NRG1: variants seen among roughly 807,000 people sequenced by gnomAD.
The protein encoded by NRG1 is pro-neuregulin-1, membrane-bound isoform.
In NRG1, 18 loss-of-function variants were observed where a neutral mutation model predicts 63.8. That is an observed-to-expected ratio of 0.28 (90% confidence interval 0.19 to 0.42). The LOEUF (loss-of-function observed/expected upper bound fraction) is 0.42. NRG1 is among the 10% of genes least tolerant of loss of function. NRG1 has a pLI of 1.00. For synonymous variants in NRG1, 302 were observed against 301.3 expected (o/e 1.00, Z -0.02); for missense variants, 762 against 814.7 (o/e 0.94, Z 0.79).
At chr8:32,737,795 G>A (rs1825461010) in intron 6 of NRG1, among the ~76,000 whole-genome samples, 1 of 149,692 alleles carries the variant, frequency 6.7e-6, no homozygotes, top group African/African-American at 2.5e-5. Context: ...TCCTGCCTCA[G>A]CCTCCCAAGT....
rs866819417 is a variant in NRG1 at position 31,925,720 on chromosome 8, T to G, written c.37+286289T>G. ...TTTTCTTATTAATTAATCTTCTTCT[T>G]CTGTGTCAATTCTGCTATGAAGCCC... On this transcript the variant is annotated intron_variant, in intron 1 of 10. Transcript: ENST00000519301. Among the ~76,000 whole-genome samples, 1,046 of 138,644 alleles carry G rather than the reference T, an allele frequency of 7.5e-3. 7 individuals carry two copies. Among genetic ancestry groups the G allele is most frequent in the Non-Finnish European group, 0.012 (756 of 61,888 alleles). The allele number at this position is 138,644 out of a possible 152,430, so 91.0% of individuals were successfully genotyped here. A position where few individuals can be genotyped will look rare whatever the true frequency, so the allele number is the denominator to read the frequency against.
intron 10 of NRG1, 109 bp from the exon 11 acceptor site, chr8:32,760,091 G>A (rs1364436717): frequency 1.6e-6 from 2 of 1,223,164 alleles, no homozygotes; most frequent in African/African-American, 1.5e-5. Context: ...TGAGCTCCGG[G>A]TGCATCAGTA....
intron 1 of NRG1, among the ~76,000 whole-genome samples, chr8:32,459,584 G>A (rs1822055056): frequency 6.7e-6 from 1 of 150,198 alleles, no homozygotes; most frequent in Non-Finnish European, 1.5e-5. Context: ...GGGCAACATA[G>A]TGAGACCCCA....
intron 1 of NRG1, among the ~76,000 whole-genome samples, chr8:32,550,499 T>C (rs928738015): frequency 4.6e-5 from 7 of 152,308 alleles, no homozygotes; most frequent in Middle Eastern, 3.4e-3. Context: ...AAGAAGTTTC[T>C]GTGGTCCTCT....
intron 1 of NRG1, among the ~76,000 whole-genome samples, chr8:32,173,279 C>G (rs952865491): frequency 2.6e-5 from 4 of 152,044 alleles, no homozygotes; most frequent in Admixed American, 1.3e-4. Context: ...CCTTTACAGA[C>G]AAGCAAATGC....
chr8:32,269,759 A>G (rs1299990731), intron 1 of NRG1, among the ~76,000 whole-genome samples: 1 of 152,196 alleles, frequency 6.6e-6, no homozygotes, highest in Non-Finnish European at 1.5e-5. Context: ...TTTTCTCTCA[A>G]GATGTCAAAT....
chr8:31,660,299 A>T (rs550863120), intron 1 of NRG1, among the ~76,000 whole-genome samples: 1 of 151,956 alleles, frequency 6.6e-6, no homozygotes, highest in South Asian at 2.1e-4. Flanking sequence ...AGACATATTG[A>T]TGCTTGACCA....
intron 8 of NRG1, among the ~76,000 whole-genome samples, chr8:32,755,386 A>T (rs1246555986): frequency 6.6e-6 from 1 of 152,192 alleles, no homozygotes; most frequent in African/African-American, 2.4e-5. Context: ...TGCATTGAGG[A>T]AGAAAAATAA....
chr8:31,723,423 G>T (rs1319122729), intron 1 of NRG1, among the ~76,000 whole-genome samples: 1 of 152,080 alleles, frequency 6.6e-6, no homozygotes, highest in Non-Finnish European at 1.5e-5. Context: ...CTTTTCGTGT[G>T]ATTCCTCTCA....
chr8:32,295,208 A>T (rs1192285698), intron 1 of NRG1, among the ~76,000 whole-genome samples: 1 of 152,156 alleles, frequency 6.6e-6, no homozygotes, highest in East Asian at 1.9e-4. Context: ...TTTTTGTGTA[A>T]TTTCTCCAAA....
chr8:31,973,553 C>T (rs1807650962), intron 1 of NRG1, among the ~76,000 whole-genome samples: 1 of 152,162 alleles, frequency 6.6e-6, no homozygotes, highest in Admixed American at 6.5e-5. Context: ...CAAAGTCATG[C>T]AGCCAGTTGA....
At chr8:32,318,119 C>T (rs1473532834) in intron 1 of NRG1, among the ~76,000 whole-genome samples, 1 of 152,080 alleles carries the variant, frequency 6.6e-6, no homozygotes, top group Non-Finnish European at 1.5e-5. Flanking sequence ...AAGTATTTGG[C>T]AGAAGGCAAG....
chr8:32,178,589 G>A (rs1424274042), intron 1 of NRG1, among the ~76,000 whole-genome samples: 1 of 152,190 alleles, frequency 6.6e-6, no homozygotes, highest in Non-Finnish European at 1.5e-5. Flanking sequence ...CAGCCTAGGT[G>A]ATAGAGTGAG....
At chr8:32,643,517 C>G (rs1169602217) in intron 5 of NRG1, among the ~76,000 whole-genome samples, 1 of 152,174 alleles carries the variant, frequency 6.6e-6, no homozygotes, top group Non-Finnish European at 1.5e-5. Context: ...GGGGAGCCAT[C>G]TTGAACGTTT....
intron 1 of NRG1, among the ~76,000 whole-genome samples, chr8:32,353,063 C>A (rs904948333): frequency 2.0e-5 from 3 of 150,244 alleles, no homozygotes; most frequent in Non-Finnish European, 3.0e-5. Context: ...TTAAAATTTA[C>A]AAATTTCTGA....
chr8:31,813,516 C>CTTTTCTTTTCTTTTCTTTTCTTTT, intron 1 of NRG1, among the ~76,000 whole-genome samples: 2 of 101,214 alleles, frequency 2.0e-5, no homozygotes, highest in Non-Finnish European at 3.9e-5. Context: ...CTTTTCTTTT[C>CTTTTCTTTTCTTTTCTTTTCTTTT]TTTTTTTTTT....
At chr8:32,641,371 G>A (rs1024435724) in intron 5 of NRG1, among the ~76,000 whole-genome samples, 2 of 152,068 alleles carry the variant, frequency 1.3e-5, no homozygotes, top group African/African-American at 2.4e-5. Context: ...TTATTGCACT[G>A]TTGTGCAACC....
At chr8:31,739,307 G>T (rs551838705) in intron 1 of NRG1, among the ~76,000 whole-genome samples, 1 of 152,002 alleles carries the variant, frequency 6.6e-6, no homozygotes, top group African/African-American at 2.4e-5. Flanking sequence ...TCTCACACTG[G>T]GGTTGGTAAT....
At chr8:32,245,923 C>A (rs1249385099) in intron 1 of NRG1, among the ~76,000 whole-genome samples, 1 of 152,054 alleles carries the variant, frequency 6.6e-6, no homozygotes, top group Admixed American at 6.6e-5. Context: ...AAAAATATCT[C>A]AAGTTTTCTG....
Sources: allele counts gnomAD v4.1 joint callset (sites outside exome capture counted in the v4.1 genomes callset), GRCh38; gene constraint gnomAD v4.1.1; transcripts MANE v1.5; gene names NCBI Gene and HGNC (gene_info 2026-07-23, HGNC 2026-07-21).